Variants in PAK5 observed in about 807,000 individuals in gnomAD.
PAK5 encodes the protein serine/threonine-protein kinase PAK 5.
Under a neutral mutation model 65.9 loss-of-function variants are expected in PAK5, and 16 were observed. The ratio of observed to expected loss-of-function variants is 0.24; its 90% CI spans 0.16 to 0.37. The LOEUF is 0.37. Ranked by LOEUF, PAK5 falls within the 10% of genes least tolerant of loss-of-function variation. PAK5 has a pLI of 1.00. For missense variants in PAK5, 785 were observed against 903.9 expected, an observed-to-expected ratio of 0.87 and a Z score of 1.69; for synonymous variants, 371 against 354.9, an observed-to-expected ratio of 1.05 and a Z score of -0.51.
chr20:9,705,087 C>T (rs2047988906), intron 2 of PAK5, among the ~76,000 whole-genome samples: 1 of 152,146 alleles, frequency 6.6e-6, no homozygotes, highest in African/African-American at 2.4e-5. Context: ...GGGTAAAGGC[C>T]AAGCGTGCTG....
intron 2 of PAK5, among the ~76,000 whole-genome samples, chr20:9,692,750 T>C (rs2047814016): frequency 1.3e-5 from 2 of 152,166 alleles, no homozygotes; most frequent in Non-Finnish European, 2.9e-5. Flanking sequence ...GTTCCAAAAC[T>C]GGGAGGAAGG....
At chr20:9,670,898 T>C (rs2047487444) in intron 2 of PAK5, among the ~76,000 whole-genome samples, 1 of 152,254 alleles carries the variant, frequency 6.6e-6, no homozygotes. Flanking sequence ...AGGGTTTTTA[T>C]GGTATTAGGT....
chr20:9,667,084 C>G (rs2047430030), intron 2 of PAK5, among the ~76,000 whole-genome samples: 1 of 152,156 alleles, frequency 6.6e-6, no homozygotes, highest in South Asian at 2.1e-4. Context: ...TGAGACCAGC[C>G]TGGCCAACAT....
Position 9,730,077 on chromosome 20 carries a change from A to G in PAK5, c.-161-18642T>C, listed in dbSNP as rs984605932. Among the ~76,000 whole-genome samples the G allele has an allele frequency of 3.3e-5, 5 of 151,790 alleles. 1 individual carries two copies. The highest frequency in any genetic ancestry group is 3.3e-4 in the Admixed American group (5 of 15,260). The stretch of plus-strand genomic sequence containing the variant: ...AAGAGAATTAGAATTTTTCAAACAA[A>G]TGCTAAATCATGTTCTCCTAAAAAC... On this transcript the variant is annotated intron_variant, in intron 1 of 9. Coordinates refer to ENST00000353224, the MANE Select transcript of PAK5 (RefSeq NM_177990.4).
At chr20:9,616,263 C>T (rs2046653639) in intron 3 of PAK5, among the ~76,000 whole-genome samples, 1 of 152,170 alleles carries the variant, frequency 6.6e-6, no homozygotes, top group South Asian at 2.1e-4. Context: ...ACAACAACTT[C>T]CTGAATTAAA....
rs529660053 is a variant in PAK5, at chr20:9,604,336, C to T, written c.205-23406G>A. ...ACTGCATGCTATTTGCAAGCAATTG[C>T]GGTTTTCCTGCCACTGGACCCTCTC... On this transcript the variant is annotated intron_variant, in intron 3 of 9. Transcript: ENST00000353224. Among the ~76,000 whole-genome samples the T allele has an allele frequency of 7.2e-5, 11 of 152,312 alleles. No individual in the cohort carries two copies. The East Asian group carries it at 7.7e-4, about 11-fold the overall frequency.
At chr20:9,638,622 T>A (rs2047011258) in intron 3 of PAK5, among the ~76,000 whole-genome samples, 1 of 152,192 alleles carries the variant, frequency 6.6e-6, no homozygotes, top group Non-Finnish European at 1.5e-5. Context: ...AATCAGAAAT[T>A]CTGAGAATGG....
intron 3 of PAK5, among the ~76,000 whole-genome samples, chr20:9,631,793 C>A (rs1309306784): frequency 1.3e-5 from 2 of 152,160 alleles, no homozygotes; most frequent in Non-Finnish European, 2.9e-5. Context: ...CCATCTTAGG[C>A]AGCCATTAAC....
chr20:9,826,043 A>G (rs1158773885), intron 1 of PAK5, among the ~76,000 whole-genome samples: 3 of 152,148 alleles, frequency 2.0e-5, no homozygotes, highest in Non-Finnish European at 4.4e-5. Flanking sequence ...CAAAGTGAAG[A>G]CTCCATGACT....
rs772834163 is a variant in PAK5 at position 9,539,426 on chromosome 20, C to T, written c.*36G>A. On this transcript the variant is annotated 3_prime_UTR_variant, in exon 10 of 10. Coordinates refer to ENST00000353224, the MANE Select transcript of PAK5 (RefSeq NM_177990.4). Reference sequence around the variant, plus strand: ...TTGTTCTCCTGAATTATTCTCATGTCCTCATCTAGCTTTGCCACCTACACG... The same window carrying T: ...TTGTTCTCCTGAATTATTCTCATGTTCTCATCTAGCTTTGCCACCTACACG... 1.9e-6 allele frequency: 3 copies of T among 1,599,376 alleles called. No homozygotes were observed. The East Asian group carries it at 6.7e-5, about 36-fold the overall frequency.
chr20:9,606,410 T>C (rs6140982), intron 3 of PAK5, among the ~76,000 whole-genome samples: 14,009 of 152,176 alleles, frequency 0.092, 844 homozygotes, highest in East Asian at 0.25. Context: ...TACCCAGTCT[T>C]AGTTAATTTT....
chr20:9,745,571 G>A (rs1284987842), intron 1 of PAK5, among the ~76,000 whole-genome samples: 5 of 152,140 alleles, frequency 3.3e-5, no homozygotes, highest in African/African-American at 1.2e-4. Flanking sequence ...AATATTCTGG[G>A]TACTCTATAT....
At chr20:9,701,349 C>G (rs2064283) in intron 2 of PAK5, among the ~76,000 whole-genome samples, 1 of 151,956 alleles carries the variant, frequency 6.6e-6, no homozygotes, top group African/African-American at 2.4e-5. Context: ...TGAATGTGAG[C>G]GTTCCATAAA....
At chr20:9,707,544 T>C (rs1364308072) in intron 2 of PAK5, among the ~76,000 whole-genome samples, 3 of 152,236 alleles carry the variant, frequency 2.0e-5, no homozygotes, top group East Asian at 3.8e-4. Flanking sequence ...TCTTTTGCAA[T>C]GTGACTTTGA....
At chr20:9,726,738 C>T (rs2018889) in intron 1 of PAK5, among the ~76,000 whole-genome samples, 72,919 of 151,802 alleles carry the variant, frequency 0.48, 17,654 homozygotes, top group South Asian at 0.63. Flanking sequence ...ACCTAGATGA[C>T]GGGTTGATGG....
Position 9,617,549 on chromosome 20 carries a change from CT to C in PAK5, c.204+26575del, listed in dbSNP as rs532259417. Among the ~76,000 whole-genome samples the C allele has an allele frequency of 6.8e-3, 646 of 94,620 alleles. 1 individual carries two copies. Among genetic ancestry groups the C allele is most frequent in the African/African-American group, 0.019 (511 of 27,356 alleles). The allele number at this position is 94,620 out of a possible 152,430, so 62.1% of individuals were successfully genotyped here. A position where few individuals can be genotyped will look rare whatever the true frequency, so the allele number is the denominator to read the frequency against. ...GGGATGAGACCCAAGAATCCCAATCCTTTTTTTTTTTTTTTTTTTTTTTTGA... is the reference window on the plus strand; with the variant it reads ...GGGATGAGACCCAAGAATCCCAATCCTTTTTTTTTTTTTTTTTTTTTTTGA... On this transcript the variant is annotated intron_variant, in intron 3 of 9. Coordinates refer to ENST00000353224, the MANE Select transcript of PAK5 (RefSeq NM_177990.4).
At chr20:9,826,841 T>TG (rs1166031619) in intron 1 of PAK5, among the ~76,000 whole-genome samples, 3 of 152,206 alleles carry the variant, frequency 2.0e-5, no homozygotes, top group Non-Finnish European at 4.4e-5. Context: ...CAATTAGGCA[T>TG]ATTCATACCA....
intron 1 of PAK5, among the ~76,000 whole-genome samples, chr20:9,742,299 T>A (rs1403360324): frequency 6.6e-6 from 1 of 152,322 alleles, no homozygotes; most frequent in East Asian, 1.9e-4. Flanking sequence ...AAGAAAATTG[T>A]CTTACTTTTA....
intron 2 of PAK5, among the ~76,000 whole-genome samples, chr20:9,704,774 G>C (rs1340376701): frequency 6.6e-6 from 1 of 152,170 alleles, no homozygotes; most frequent in Non-Finnish European, 1.5e-5. Flanking sequence ...CGTTACTGCT[G>C]TGACCACTGC....
Sources: gnomAD v4.1 joint callset for allele counts (sites outside exome capture counted in the v4.1 genomes callset) on GRCh38, gnomAD v4.1.1 for gene constraint, MANE v1.5 for transcripts, NCBI Gene and HGNC (gene_info 2026-07-23, HGNC 2026-07-21) for gene names.